Variants in STK3 observed in about 807,000 individuals in gnomAD.
STK3 encodes serine/threonine kinase 3.
In STK3, 41 loss-of-function variants were observed where a neutral mutation model predicts 58.0. The observed-to-expected ratio is 0.71, with a 90% confidence interval of 0.55 to 0.92. The LOEUF is 0.92. Ranked by LOEUF, STK3 falls within the 40% of genes least tolerant of loss-of-function variation. STK3 has a pLI of 0.00. For synonymous variants in STK3, 170 were observed against 191.0 expected (o/e 0.89, Z 0.91); for missense variants, 479 against 602.7 (o/e 0.79, Z 2.15).
chr8:98,668,865 T>C (rs1420127144), intron 6 of STK3, among the ~76,000 whole-genome samples: 1 of 152,160 alleles, frequency 6.6e-6, no homozygotes, highest in African/African-American at 2.4e-5. Flanking sequence ...AATTCTACTT[T>C]AATTAAAACC....
At chr8:98,612,651 G>C (rs1488222952) in intron 6 of STK3, among the ~76,000 whole-genome samples, 1 of 151,816 alleles carries the variant, frequency 6.6e-6, no homozygotes, top group East Asian at 1.9e-4. Context: ...AAACAAAAAA[G>C]CTCCGACAAA....
intron 6 of STK3, among the ~76,000 whole-genome samples, chr8:98,622,703 A>G (rs748786809): frequency 2.0e-5 from 3 of 152,228 alleles, no homozygotes; most frequent in Non-Finnish European, 4.4e-5. Context: ...GAAGACGGAA[A>G]TTATGTGTTC....
At chr8:98,702,204 T>C (rs1247803343) in intron 6 of STK3, among the ~76,000 whole-genome samples, 1 of 152,224 alleles carries the variant, frequency 6.6e-6, no homozygotes. Context: ...AAATTTCTCC[T>C]TGAACATCTA....
chr8:98,408,494 G>A (rs1818021703), intron 3 of STK3, among the ~76,000 whole-genome samples: 1 of 152,166 alleles, frequency 6.6e-6, no homozygotes, highest in Non-Finnish European at 1.5e-5. Flanking sequence ...AGAAGAGAAA[G>A]GCTCATAAAT....
chr8:98,731,920 G>A (rs1828237432), intron 4 of STK3, among the ~76,000 whole-genome samples: 1 of 152,008 alleles, frequency 6.6e-6, no homozygotes, highest in African/African-American at 2.4e-5. Flanking sequence ...CATAACCCTA[G>A]AAGAAACAGA....
chr8:98,845,137 T>C (rs1359635754), intron 3 of STK3, among the ~76,000 whole-genome samples: 1 of 152,240 alleles, frequency 6.6e-6, no homozygotes, highest in Non-Finnish European at 1.5e-5. Flanking sequence ...TTTCTTTTTT[T>C]ACTTAGAGTT....
chr8:98,678,903 C>G (rs1476851581), intron 6 of STK3, among the ~76,000 whole-genome samples: 1 of 152,148 alleles, frequency 6.6e-6, no homozygotes, highest in Non-Finnish European at 1.5e-5. Flanking sequence ...AGAATAAACT[C>G]TATATTTCAT....
chr8:98,896,516 A>G (rs143310812), intron 1 of STK3, among the ~76,000 whole-genome samples: 1 of 152,322 alleles, frequency 6.6e-6, no homozygotes, highest in East Asian at 1.9e-4. Context: ...TTCACTTCAC[A>G]TAGTTTCACA....
chr8:98,767,497 C>G (rs1273050188), intron 2 of STK3, 126 bp from the exon 3 acceptor site: 1 of 872,144 alleles, frequency 1.1e-6, no homozygotes, highest in Non-Finnish European at 1.6e-6. Context: ...ATTAAAAAAT[C>G]AAAGTAAACA....
intron 6 of STK3, among the ~76,000 whole-genome samples, chr8:98,649,957 T>C (rs1327102408): frequency 6.6e-6 from 1 of 152,226 alleles, no homozygotes; most frequent in East Asian, 1.9e-4. Context: ...TTTTGTTAAC[T>C]TTATTCCTAA....
intron 1 of STK3, among the ~76,000 whole-genome samples, chr8:98,442,838 T>G (rs745544045): frequency 1.3e-5 from 2 of 152,218 alleles, no homozygotes; most frequent in Non-Finnish European, 2.9e-5. Flanking sequence ...GAGGATTGTA[T>G]GTATTCTATA....
chr8:98,589,540 G>A (rs1291042718), intron 7 of STK3, among the ~76,000 whole-genome samples: 14 of 152,256 alleles, frequency 9.2e-5, no homozygotes, highest in African/African-American at 3.4e-4. Context: ...AGAGGTTACT[G>A]CTGTCTTTTT....
In STK3 at chr8:98,774,584, C is replaced by T. The variant is rs556718502; in HGVS notation, c.107+155G>A. Among the ~76,000 whole-genome samples, 12 of 152,278 alleles carry T rather than the reference C, an allele frequency of 7.9e-5. No homozygotes were observed. The South Asian group carries it at 2.3e-3, about 29-fold the overall frequency. On this transcript the variant is annotated intron_variant, in intron 2 of 10. Coordinates refer to ENST00000419617, the MANE Select transcript of STK3 (RefSeq NM_006281.4). The stretch of plus-strand genomic sequence containing the variant: ...ACACTATTACCAGATTTAGCACAAA[C>T]TAATCTTTAAAATTCAGTATCACCT...
At chr8:98,552,384 T>C (rs554972530) in intron 8 of STK3, among the ~76,000 whole-genome samples, 2 of 152,246 alleles carry the variant, frequency 1.3e-5, no homozygotes, top group South Asian at 4.1e-4. Context: ...CCAAAACCTT[T>C]ATCATGTCCA....
chr8:98,350,593 A>G, the STK3 span, among the ~76,000 whole-genome samples: 1 of 152,350 alleles, frequency 6.6e-6, no homozygotes, highest in South Asian at 2.1e-4. Flanking sequence ...TTTACAAAAG[A>G]AAGAGGTTTA....
chr8:98,400,090 G>A (rs563345884), downstream of STK3, among the ~76,000 whole-genome samples: 3 of 152,206 alleles, frequency 2.0e-5, no homozygotes, highest in East Asian at 5.8e-4. Flanking sequence ...TGACACTCAG[G>A]CTCCCTCCAG....
At chr8:98,401,300 A>G (rs1299450190), downstream of STK3, 2 of 152,246 alleles carry the variant, frequency 1.3e-5, no homozygotes, top group East Asian at 3.9e-4. Flanking sequence ...TCCAGCTGCA[A>G]CTGCAGGAGA....
At chr8:98,773,885 C>T (rs1308022638) in intron 2 of STK3, among the ~76,000 whole-genome samples, 4 of 152,024 alleles carry the variant, frequency 2.6e-5, no homozygotes, top group African/African-American at 9.7e-5. Context: ...CAACCTTCAC[C>T]TTCCGGGTTC....
In STK3 at chr8:98,940,683, A is replaced by G. The variant is rs183913018; in HGVS notation, c.-79+1695T>C. ...ACCCCTCTGCATCTCCCGCCCGGAC[A>G]AGGTCCCCGGCCTTGGAATCTGCGC... On this transcript the variant is annotated intron_variant, in intron 1 of 1. Coordinates refer to the STK3 transcript ENST00000519420. Among the ~76,000 whole-genome samples the G allele has an allele frequency of 6.8e-3, 1,032 of 152,234 alleles. 9 individuals carry two copies. The highest frequency in any genetic ancestry group is 0.024 in the African/African-American group (999 of 41,550).
Sources: gnomAD v4.1 joint callset for allele counts (sites outside exome capture counted in the v4.1 genomes callset) on GRCh38, gnomAD v4.1.1 for gene constraint, MANE v1.5 for transcripts, NCBI Gene and HGNC (gene_info 2026-07-23, HGNC 2026-07-21) for gene names.